Variants in EFHC2 observed in about 807,000 individuals in gnomAD.
EFHC2 encodes the protein EF-hand domain-containing family member C2.
EFHC2 carries 18 observed loss-of-function variants against 52.7 expected under a neutral mutation model. The observed-to-expected ratio is 0.34, with a 90% CI of 0.24 to 0.51. The LOEUF (loss-of-function observed/expected upper bound fraction) is 0.51, where lower values mean the gene tolerates loss of function less well. Ranked by LOEUF, EFHC2 falls within the 20% of genes least tolerant of loss-of-function variation. EFHC2 has a pLI of 0.97. For synonymous variants in EFHC2, 203 were observed against 204.1 expected (o/e 0.99, Z 0.04); for missense variants, 513 against 562.5 (o/e 0.91, Z 0.89).
intron 11 of EFHC2, among the ~76,000 whole-genome samples, chrX:44,198,914 G>A (rs1177761650): frequency 8.9e-6 from 1 of 112,110 alleles, no homozygotes; most frequent in Non-Finnish European, 1.9e-5. Context: ...ATGACAATGA[G>A]GCTTTTCTCT....
chrX:44,245,827 T>C (rs1341474573), intron 7 of EFHC2, among the ~76,000 whole-genome samples: 1 of 111,521 alleles, frequency 9.0e-6, no homozygotes, highest in African/African-American at 3.3e-5. Flanking sequence ...TGCCATTTTT[T>C]CTCCCCCAAA....
At chrX:44,235,658 T>C (rs748611410) in intron 8 of EFHC2, among the ~76,000 whole-genome samples, 1 of 112,947 alleles carries the variant, frequency 8.9e-6, no homozygotes, top group South Asian at 3.7e-4. Context: ...ATTCTTTACA[T>C]GTCCTGGGTA....
rs748055362 is a variant in EFHC2 at position 44,343,531 on chromosome X, C to T, written c.42+16G>A. 2 of 1,190,325 alleles carry T rather than the reference C, an allele frequency of 1.7e-6. No individual in the cohort carries two copies. Among genetic ancestry groups the T allele is most frequent in the African/African-American group, 1.7e-5 (1 of 57,348 alleles). ...TCCAGCCGGGAGCTGTGACCTCGGA[C>T]GCCCTTCCTACTCACGTTGCGGTTG... On this transcript the variant is annotated intron_variant, in intron 1 of 14. Coordinates refer to ENST00000420999, the MANE Select transcript of EFHC2 (RefSeq NM_025184.4).
At chrX:44,167,857 T>C (rs939877336) in intron 13 of EFHC2, among the ~76,000 whole-genome samples, 8 of 111,806 alleles carry the variant, frequency 7.2e-5, no homozygotes, top group African/African-American at 2.0e-4. Flanking sequence ...TCTTGGGAAG[T>C]AGATAGGGTT....
chrX:44,240,378 C>T (rs905057305), intron 8 of EFHC2, among the ~76,000 whole-genome samples: 3 of 111,985 alleles, frequency 2.7e-5, no homozygotes, highest in Non-Finnish European at 5.6e-5. Flanking sequence ...ATACCATCTA[C>T]AGTCAGTGTT....
At chrX:44,296,281 C>T (rs968124025) in intron 2 of EFHC2, among the ~76,000 whole-genome samples, 4 of 111,571 alleles carry the variant, frequency 3.6e-5, no homozygotes, top group African/African-American at 9.8e-5. Context: ...AGAACCAAAG[C>T]TTCAATTCAT....
At chrX:44,256,997 T>C (rs2037497314) in intron 4 of EFHC2, among the ~76,000 whole-genome samples, 1 of 110,716 alleles carries the variant, frequency 9.0e-6, no homozygotes, top group Admixed American at 9.6e-5. Context: ...GTTCAACATA[T>C]GCAAATCAAT....
At chrX:44,287,049 A>AC (rs1342688906) in intron 2 of EFHC2, among the ~76,000 whole-genome samples, 1 of 99,943 alleles carries the variant, frequency 1.0e-5, no homozygotes, top group African/African-American at 3.7e-5. Flanking sequence ...AAAAAAAAAA[A>AC]AAAAAGTTTT....
At chrX:44,203,802 G>A (rs1036066070) in intron 11 of EFHC2, among the ~76,000 whole-genome samples, 1 of 110,621 alleles carries the variant, frequency 9.0e-6, no homozygotes, top group African/African-American at 3.3e-5. Context: ...TGTTAACCAG[G>A]CTGGCTTTGA....
At chrX:44,250,825 G>GAAAAA (rs752731813) in intron 4 of EFHC2, among the ~76,000 whole-genome samples, 2 of 46,933 alleles carry the variant, frequency 4.3e-5, no homozygotes, top group Non-Finnish European at 8.9e-5. Context: ...ACTCCATTTC[G>GAAAAA]AAAAAAAAAA....
intron 2 of EFHC2, among the ~76,000 whole-genome samples, chrX:44,286,862 A>C (rs1344760902): frequency 2.9e-5 from 3 of 102,634 alleles, no homozygotes; most frequent in Non-Finnish European, 5.9e-5. Context: ...AAAAAAAAAT[A>C]AAAACAACAA....
chrX:44,244,248 C>T (rs745331089), intron 7 of EFHC2, among the ~76,000 whole-genome samples: 2 of 111,660 alleles, frequency 1.8e-5, no homozygotes, highest in Non-Finnish European at 3.8e-5. Context: ...CTCCATCATG[C>T]CTGACTTTTA....
In EFHC2 at chrX:44,343,544, C is replaced by A; in HGVS notation, c.42+3G>T. 8.4e-7 allele frequency: 1 copy of A among 1,195,401 alleles called. No homozygotes were observed. Among genetic ancestry groups the A allele is most frequent in the Non-Finnish European group, 1.1e-6 (1 of 887,382 alleles). On this transcript the variant is annotated splice_donor_region_variant and intron_variant, in intron 1 of 14. Transcript: ENST00000420999. ...TGTGACCTCGGACGCCCTTCCTACT[C>A]ACGTTGCGGTTGAAGCTGTTGCCCG...
chrX:44,262,512 C>CA (rs749239313), intron 3 of EFHC2, among the ~76,000 whole-genome samples: 2,291 of 28,890 alleles, frequency 0.079, 140 homozygotes, highest in East Asian at 0.29. Flanking sequence ...AGCCCTGTCT[C>CA]AAAAAAAAAA....
At position 44,261,280 on chromosome X, in the gene EFHC2, T is replaced by C. The variant is rs776127963; in HGVS notation, c.401A>G (p.His134Arg). Residue 134 changes from histidine to arginine, a missense_variant, in exon 4 of 15, where the codon CAT (histidine) becomes CGT (arginine). His to Arg is a conservative substitution (Grantham distance 29). Transcript: ENST00000420999. ...ATCAGGAGGCGGAAGAGTAATCCGA[T>C]GACGCCGGATAGAAGTCCCTATGGC... ...GLLQGTSIRRHRITLPPPDED... is the reference protein window; with the variant it reads ...GLLQGTSIRRRRITLPPPDED... 31 of 1,188,229 alleles carry C rather than the reference T, an allele frequency of 2.6e-5. No homozygotes were observed. Among genetic ancestry groups the C allele is most frequent in the Non-Finnish European group, 3.2e-5 (28 of 882,714 alleles).
At chrX:44,289,007 C>T (rs1389214917) in intron 2 of EFHC2, among the ~76,000 whole-genome samples, 2 of 111,589 alleles carry the variant, frequency 1.8e-5, no homozygotes, top group Non-Finnish European at 3.8e-5. Context: ...TTTCTATTAC[C>T]TAGAACCCCA....
intron 14 of EFHC2, among the ~76,000 whole-genome samples, chrX:44,155,712 G>A (rs2036601793): frequency 1.8e-5 from 2 of 112,161 alleles, no homozygotes; most frequent in Non-Finnish European, 3.8e-5. Flanking sequence ...GGTGTGTATA[G>A]TATTAAAATT....
intron 2 of EFHC2, among the ~76,000 whole-genome samples, chrX:44,290,567 A>G (rs768016289): frequency 1.6e-4 from 12 of 77,066 alleles, no homozygotes; most frequent in African/African-American, 5.6e-4. Flanking sequence ...TGTTTTCCAC[A>G]AAATAGGGTG....
chrX:44,247,320 A>C (rs1327260552), intron 7 of EFHC2, among the ~76,000 whole-genome samples: 1 of 112,226 alleles, frequency 8.9e-6, no homozygotes, highest in African/African-American at 3.2e-5. Flanking sequence ...CACAATGCGG[A>C]CAACAAGACA....
Sources: allele counts gnomAD v4.1 joint callset (sites outside exome capture counted in the v4.1 genomes callset), GRCh38; gene constraint gnomAD v4.1.1; transcripts MANE v1.5; gene names NCBI Gene and HGNC (gene_info 2026-07-23, HGNC 2026-07-21).